The following FAF1 variants were observed in gnomAD, a reference collection of about 807,000 sequenced individuals.
FAF1 encodes the protein Fas associated factor 1, also known as FAS-associated factor 1.
In FAF1, 25 loss-of-function variants were observed where a neutral mutation model predicts 92.5. That is an observed-to-expected ratio of 0.27 (90% CI 0.20 to 0.38). The LOEUF (loss-of-function observed/expected upper bound fraction) is 0.38, where lower values mean the gene tolerates loss of function less well. FAF1 is among the 10% of genes least tolerant of loss of function. The pLI is 1.00. For missense variants in FAF1, 636 were observed against 793.3 expected (o/e 0.80, Z 2.38); for synonymous variants, 234 against 273.2 (o/e 0.86, Z 1.42).
rs761285803 is a variant in FAF1 at position 50,539,704 on chromosome 1, G to A, written c.1293C>T (p.His431=). Residue 431 remains histidine, a synonymous_variant, in exon 14 of 19, where the codon CAC becomes CAT. Coordinates refer to ENST00000396153, the MANE Select transcript of FAF1 (RefSeq NM_007051.3). Reference sequence around the variant, plus strand: ...TGGTTTGTGCCACAACACTGCCAAAGTGTCTATTGCACATAGTGAGAAATC... The same window carrying A: ...TGGTTTGTGCCACAACACTGCCAAAATGTCTATTGCACATAGTGAGAAATC... ...RARFLTMCNR[H]FGSVVAQTIR... is the part of the protein sequence containing the mutation. 1.2e-6 allele frequency: 2 copies of A among 1,612,452 alleles called. No individual in the cohort carries two copies. The highest frequency in any genetic ancestry group is 1.7e-6 in the Non-Finnish European group (2 of 1,178,826).
intron 18 of FAF1, among the ~76,000 whole-genome samples, chr1:50,468,403 G>A (rs1364178932): frequency 6.7e-6 from 1 of 149,734 alleles, no homozygotes; most frequent in East Asian, 2.0e-4. Flanking sequence ...AGCAATTCTC[G>A]TGCCTCAGCC....
chr1:50,481,495 T>G (rs1646703405), intron 17 of FAF1, among the ~76,000 whole-genome samples: 1 of 152,222 alleles, frequency 6.6e-6, no homozygotes, highest in Non-Finnish European at 1.5e-5. Flanking sequence ...TGTACAGATT[T>G]GTAGCCTAGG....
chr1:50,887,848 C>G (rs2124696586), intron 1 of FAF1, among the ~76,000 whole-genome samples: 1 of 152,234 alleles, frequency 6.6e-6, no homozygotes, highest in Admixed American at 6.5e-5. Context: ...TTAGGATTGT[C>G]TTGGCAAGGC....
intron 2 of FAF1, among the ~76,000 whole-genome samples, chr1:50,836,232 G>GTGA (rs1644203876): frequency 7.7e-6 from 1 of 130,646 alleles, no homozygotes; most frequent in Non-Finnish European, 1.6e-5. Context: ...GTGCAGTGAT[G>GTGA]TGATCATAGC....
intron 15 of FAF1, among the ~76,000 whole-genome samples, chr1:50,511,791 C>G (rs1357367396): frequency 6.6e-6 from 1 of 152,142 alleles, no homozygotes; most frequent in Non-Finnish European, 1.5e-5. Context: ...AATGGTATTT[C>G]TGGTTCTAGA....
intron 4 of FAF1, chr1:50,780,473 C>T: frequency 5.6e-6 from 1 of 178,360 alleles, no homozygotes; most frequent in Non-Finnish European, 1.2e-5. Context: ...TCCCATGGAG[C>T]ACACAACACC....
intron 2 of FAF1, among the ~76,000 whole-genome samples, chr1:50,857,312 T>A (rs1411359717): frequency 9.4e-6 from 1 of 106,382 alleles, no homozygotes; most frequent in East Asian, 2.4e-4. Flanking sequence ...TAATTTAAAC[T>A]TTTTTTTTTA....
chr1:50,621,128 C>G (rs1230407078), intron 8 of FAF1, among the ~76,000 whole-genome samples: 1 of 152,218 alleles, frequency 6.6e-6, no homozygotes, highest in Non-Finnish European at 1.5e-5. Flanking sequence ...TACTCCTAAG[C>G]TACATGCCAC....
chr1:50,624,629 A>G (rs1483728058), intron 8 of FAF1, among the ~76,000 whole-genome samples: 1 of 152,222 alleles, frequency 6.6e-6, no homozygotes. Context: ...TCAACATATG[A>G]AAAGGAAAAC....
chr1:50,695,187 C>A (rs1384925836), intron 7 of FAF1, among the ~76,000 whole-genome samples: 1 of 151,988 alleles, frequency 6.6e-6, no homozygotes, highest in East Asian at 1.9e-4. Context: ...GCAGGTGGAT[C>A]ACCAGAGGTC....
intron 15 of FAF1, among the ~76,000 whole-genome samples, chr1:50,532,657 T>A (rs1477767138): frequency 6.6e-6 from 1 of 152,176 alleles, no homozygotes; most frequent in Non-Finnish European, 1.5e-5. Context: ...ACATTGACTA[T>A]TAAGAAAAAG....
chr1:50,789,292 C>CT (rs1456657844), intron 3 of FAF1, among the ~76,000 whole-genome samples: 3 of 152,200 alleles, frequency 2.0e-5, no homozygotes, highest in Non-Finnish European at 4.4e-5. Flanking sequence ...GCTCTACCCA[C>CT]TTAATAGCTG....
At chr1:50,754,914 C>T (rs1434832509) in intron 4 of FAF1, among the ~76,000 whole-genome samples, 7 of 151,580 alleles carry the variant, frequency 4.6e-5, no homozygotes, top group Admixed American at 4.6e-4. Context: ...GACTTGCTCA[C>T]TATCATGAGA....
At position 50,583,309 on chromosome 1, in the gene FAF1, T is replaced by C. The variant is rs1651072959; in HGVS notation, c.1031+343A>G. 5.3e-5 allele frequency among the ~76,000 whole-genome samples: 8 copies of C among 152,058 alleles called. No individual in the cohort carries two copies. In the South Asian group the frequency reaches 1.7e-3, roughly 31 times the overall value. On this transcript the variant is annotated intron_variant, in intron 11 of 18. Coordinates refer to ENST00000396153, the MANE Select transcript of FAF1 (RefSeq NM_007051.3). This position sits in a 1 kb window ranked among gnomAD's most constrained non-coding sequence, Gnocchi z 4.2. ...TTAAAATGTTTAAAGTATTTTTAAA[T>C]TTAATATTATTTTAAAGGATTTTCC... is the stretch of plus-strand genomic sequence containing the variant.
intron 5 of FAF1, 140 bp from the exon 6 acceptor site, chr1:50,739,094 GAAC>G: frequency 3.5e-6 from 2 of 572,678 alleles, no homozygotes; most frequent in East Asian, 5.9e-5. Flanking sequence ...TAATGCAAAA[GAAC>G]TACTGAATCC....
At chr1:50,937,872 A>C (rs1360578228) in intron 1 of FAF1, among the ~76,000 whole-genome samples, 2 of 152,198 alleles carry the variant, frequency 1.3e-5, no homozygotes, top group African/African-American at 4.8e-5. Context: ...TTGTCAAGTG[A>C]GTGAAAATAT....
At chr1:50,945,755 A>C (rs1645168445) in intron 1 of FAF1, among the ~76,000 whole-genome samples, 1 of 152,248 alleles carries the variant, frequency 6.6e-6, no homozygotes, top group African/African-American at 2.4e-5. Context: ...TGGCAGACCA[A>C]AGAGCTAGGC....
chr1:50,763,609 T>A (rs898926272), intron 4 of FAF1, among the ~76,000 whole-genome samples: 2 of 152,186 alleles, frequency 1.3e-5, no homozygotes, highest in African/African-American at 4.8e-5. Context: ...AGCCTCTAGC[T>A]CCCAGTATTT....
At chr1:50,660,683 G>A (rs1169164593) in intron 7 of FAF1, among the ~76,000 whole-genome samples, 6 of 151,452 alleles carry the variant, frequency 4.0e-5, no homozygotes, top group African/African-American at 1.2e-4. Context: ...TAGTAGAGAC[G>A]GGGTTTCACC....
Sources: gnomAD v4.1 joint callset for allele counts (sites outside exome capture counted in the v4.1 genomes callset) on GRCh38, gnomAD v4.1.1 for gene constraint, Gnocchi (gnomAD v3.1) non-coding constraint, MANE v1.5 for transcripts, NCBI Gene and HGNC (gene_info 2026-07-23, HGNC 2026-07-21) for gene names.